Variants in GRK3 observed in about 807,000 individuals in gnomAD.
GRK3 encodes adrenergic, beta, receptor kinase 2.
GRK3 carries 54 observed loss-of-function variants against 95.7 expected under a neutral mutation model. The observed-to-expected ratio is 0.56, with a 90% CI of 0.45 to 0.71. GRK3 has a LOEUF of 0.71. Among genes scored for constraint, GRK3 ranks in the 30% least tolerant of loss-of-function variants. The pLI is 0.00. For missense variants in GRK3, 649 were observed against 851.2 expected, an observed-to-expected ratio of 0.76 and a Z score of 2.96; for synonymous variants, 281 against 290.8, an observed-to-expected ratio of 0.97 and a Z score of 0.34.
intron 1 of GRK3, among the ~76,000 whole-genome samples, chr22:25,584,745 A>G (rs1213012272): frequency 6.7e-6 from 1 of 148,836 alleles, no homozygotes; most frequent in Non-Finnish European, 1.5e-5. Context: ...GGATTCTTAT[A>G]CTATCTGCAG....
chr22:25,720,360 G>T (rs980834243), intron 19 of GRK3, among the ~76,000 whole-genome samples: 1 of 151,392 alleles, frequency 6.6e-6, no homozygotes, highest in Non-Finnish European at 1.5e-5. Flanking sequence ...TTATCAGAGT[G>T]CCATTTCTCA....
intron 6 of GRK3, among the ~76,000 whole-genome samples, chr22:25,668,225 T>C (rs1312825749): frequency 1.3e-5 from 2 of 152,240 alleles, no homozygotes; most frequent in East Asian, 3.8e-4. Context: ...TCAATGTCTG[T>C]TTATGATCGT....
At chr22:25,642,002 A>G (rs2084746712) in intron 2 of GRK3, among the ~76,000 whole-genome samples, 1 of 152,262 alleles carries the variant, frequency 6.6e-6, no homozygotes, top group African/African-American at 2.4e-5. Flanking sequence ...ACTTAAGTTC[A>G]AATTCTCATG....
intron 3 of GRK3, chr22:25,649,198 C>T: frequency 7.6e-7 from 1 of 1,319,794 alleles, no homozygotes; most frequent in Non-Finnish European, 1.1e-6. Flanking sequence ...TACTTCACTG[C>T]TACAGAGCCA....
chr22:25,688,093 G>A lies in GRK3; in HGVS notation c.957+426G>A, dbSNP rs192189546. On this transcript the variant is annotated intron_variant, in intron 11 of 20. Coordinates refer to ENST00000324198, the MANE Select transcript of GRK3 (RefSeq NM_005160.4). ...CTACTAAAAATACAAAAAATTAGCC[G>A]GGCGTGGTGGCAGGTGCCTGTAGTC... Among the ~76,000 whole-genome samples the A allele has an allele frequency of 3.2e-4, 49 of 152,064 alleles. 1 individual carries two copies. The highest frequency in any genetic ancestry group is 6.2e-4 in the South Asian group (3 of 4,810).
intron 9 of GRK3, chr22:25,684,706 A>G: frequency 6.5e-6 from 1 of 153,276 alleles, no homozygotes; most frequent in Non-Finnish European, 1.5e-5. Flanking sequence ...TAATTAGGAT[A>G]GAGACATGAT....
chr22:25,695,237 A>G, intron 13 of GRK3, 23 bp downstream of exon 13: 1 of 1,545,420 alleles, frequency 6.5e-7, no homozygotes, highest in South Asian at 1.1e-5. Context: ...GCATCCTTCT[A>G]GTGCTGTCCT....
At chr22:25,712,740 T>C (rs2146466332) in intron 17 of GRK3, among the ~76,000 whole-genome samples, 1 of 152,374 alleles carries the variant, frequency 6.6e-6, no homozygotes. Flanking sequence ...TGAGGTGGCC[T>C]GCTGAAGGCT....
chr22:25,658,279 G>A (rs991273342), intron 3 of GRK3, among the ~76,000 whole-genome samples: 2 of 152,162 alleles, frequency 1.3e-5, no homozygotes, highest in South Asian at 4.1e-4. Flanking sequence ...TTGATACATT[G>A]TGGATACTCT....
intron 3 of GRK3, chr22:25,647,723 A>G: frequency 7.7e-7 from 1 of 1,304,416 alleles, no homozygotes; most frequent in South Asian, 1.2e-5. Flanking sequence ...GATTCCATTC[A>G]GGCAGAAGAA....
intron 2 of GRK3, among the ~76,000 whole-genome samples, chr22:25,627,261 G>A (rs2084634680): frequency 6.6e-6 from 1 of 152,086 alleles, no homozygotes; most frequent in Non-Finnish European, 1.5e-5. Context: ...AGGCTTTTTG[G>A]CATTTGAAGC....
intron 13 of GRK3, among the ~76,000 whole-genome samples, chr22:25,695,675 A>G (rs1438875969): frequency 9.0e-6 from 1 of 110,700 alleles, no homozygotes; most frequent in Non-Finnish European, 2.4e-5. Flanking sequence ...TTGTTTTTAG[A>G]CAAGTTCTCT....
intron 9 of GRK3, among the ~76,000 whole-genome samples, chr22:25,681,089 G>A (rs937251682): frequency 1.3e-5 from 2 of 152,022 alleles, no homozygotes; most frequent in Non-Finnish European, 2.9e-5. Flanking sequence ...CAGCATAAGC[G>A]TGTCCACAGC....
At position 25,721,306 on chromosome 22, in the gene GRK3, A is replaced by G; in HGVS notation, c.1814A>G (p.Gln605Arg). ...TAGCAAAATTTACTGACAATGGAACAGATTCTCTCTGTGGAAGAAACTCAA... is the reference window on the plus strand; with the variant it reads ...TAGCAAAATTTACTGACAATGGAACGGATTCTCTCTGTGGAAGAAACTCAA... ...ESRQNLLTME[Q>R]ILSVEETQIK... The change falls in exon 20 of 21, where the codon CAG (glutamine) becomes CGG (arginine). Residue 605 changes from glutamine (Q) to arginine (R), a missense_variant. By Grantham distance (43) the Gln-to-Arg change is conservative. Around this residue, in one of 3 missense-constraint regions of GRK3, gnomAD observed 382 missense variants for 493.8 expected, o/e 0.77. Transcript: ENST00000324198. The G allele has an allele frequency of 6.3e-7, 1 of 1,592,558 alleles. No homozygotes were observed. The highest frequency in any genetic ancestry group is 8.6e-7 in the Non-Finnish European group (1 of 1,168,664).
At chr22:25,714,205 T>C (rs2085365310) in intron 17 of GRK3, among the ~76,000 whole-genome samples, 1 of 152,194 alleles carries the variant, frequency 6.6e-6, no homozygotes, top group Non-Finnish European at 1.5e-5. Context: ...TGCTCATCAG[T>C]TCTGTTTGTG....
intron 2 of GRK3, among the ~76,000 whole-genome samples, chr22:25,610,635 G>C (rs771381147): frequency 2.6e-5 from 4 of 152,044 alleles, no homozygotes; most frequent in Non-Finnish European, 5.9e-5. Flanking sequence ...TCGTTACTCT[G>C]CTCCCATCCT....
chr22:25,697,656 A>C (rs186633830), intron 13 of GRK3, among the ~76,000 whole-genome samples: 1 of 152,338 alleles, frequency 6.6e-6, no homozygotes, highest in Non-Finnish European at 1.5e-5. Context: ...GATCATATGC[A>C]TGCTGTGTAA....
At chr22:25,601,669 A>G (rs2084410344) in intron 1 of GRK3, among the ~76,000 whole-genome samples, 1 of 152,160 alleles carries the variant, frequency 6.6e-6, no homozygotes, top group Non-Finnish European at 1.5e-5. Context: ...CCAGAGATAG[A>G]CCTGCACATA....
intron 9 of GRK3, among the ~76,000 whole-genome samples, chr22:25,680,061 C>T (rs1164168306): frequency 6.6e-6 from 1 of 151,952 alleles, no homozygotes; most frequent in African/African-American, 2.4e-5. Context: ...TATGTTTTTT[C>T]GTTTGTCACC....
Sources: allele counts gnomAD v4.1 joint callset (sites outside exome capture counted in the v4.1 genomes callset), GRCh38; gene constraint gnomAD v4.1.1; regional missense constraint gnomAD v4.1.1; transcripts MANE v1.5; gene names NCBI Gene and HGNC (gene_info 2026-07-23, HGNC 2026-07-21).